Variants in DAPK2 observed in about 807,000 individuals in gnomAD.
DAPK2 encodes the protein death-associated protein kinase 2.
DAPK2 carries 35 observed loss-of-function variants against 44.1 expected under a neutral mutation model. The observed-to-expected ratio is 0.79, with a 90% CI of 0.61 to 1.05. The LOEUF is 1.05. Ranked by LOEUF, DAPK2 falls within the 50% of genes least tolerant of loss-of-function variation. The pLI is 0.00. For synonymous variants in DAPK2, 174 were observed against 182.6 expected (o/e 0.95, Z 0.38); for missense variants, 453 against 483.2 (o/e 0.94, Z 0.59).
chr15:63,935,271 A>C (rs2077110552), intron 4 of DAPK2, among the ~76,000 whole-genome samples: 2 of 151,808 alleles, frequency 1.3e-5, no homozygotes, highest in African/African-American at 4.8e-5. Context: ...TTGTATTTTT[A>C]GTAGAGACAG....
intron 3 of DAPK2, among the ~76,000 whole-genome samples, chr15:63,947,210 ACTT>A (rs1424449933): frequency 2.0e-5 from 3 of 152,054 alleles, no homozygotes; most frequent in Non-Finnish European, 4.4e-5. Flanking sequence ...ACACACTGGA[ACTT>A]CTTCTATGAT....
chr15:63,957,134 T>C (rs2077746256), intron 3 of DAPK2, among the ~76,000 whole-genome samples: 1 of 152,270 alleles, frequency 6.6e-6, no homozygotes, highest in Non-Finnish European at 1.5e-5. Flanking sequence ...ACAACTGTTA[T>C]ATCTTCTTGC....
At chr15:64,038,003 G>A (rs1160338167) in intron 1 of DAPK2, among the ~76,000 whole-genome samples, 1 of 152,194 alleles carries the variant, frequency 6.6e-6, no homozygotes. Flanking sequence ...GTTGCAAGTG[G>A]AGGACCAGGA....
intron 2 of DAPK2, among the ~76,000 whole-genome samples, chr15:63,981,924 A>G (rs2140845553): frequency 6.6e-6 from 1 of 152,374 alleles, no homozygotes; most frequent in South Asian, 2.1e-4. Context: ...ATCAAATGCA[A>G]GAGTATGCAA....
intron 1 of DAPK2, among the ~76,000 whole-genome samples, chr15:64,029,120 C>A: frequency 6.7e-6 from 1 of 149,556 alleles, no homozygotes; most frequent in Non-Finnish European, 1.5e-5. Context: ...TTTCCATTTC[C>A]CCCACATAAG....
intron 1 of DAPK2, among the ~76,000 whole-genome samples, chr15:64,012,770 G>C (rs1567272896): frequency 6.6e-6 from 1 of 152,158 alleles, no homozygotes; most frequent in Non-Finnish European, 1.5e-5. Context: ...TCACTTATGA[G>C]GAATAGGACT....
chr15:64,036,429 A>G (rs747488564), intron 1 of DAPK2, among the ~76,000 whole-genome samples: 12 of 149,810 alleles, frequency 8.0e-5, no homozygotes, highest in Admixed American at 2.7e-4. Flanking sequence ...TAAAATGAAC[A>G]CATCTGTGAA....
exon 7 of DAPK2, chr15:63,926,054 C>T (rs374403157): frequency 2.8e-5 from 45 of 1,613,462 alleles, no homozygotes; most frequent in Non-Finnish European, 3.4e-5. Flanking sequence ...CCAGTGTTTC[C>T]TGCTTCGTGT....
intron 3 of DAPK2, among the ~76,000 whole-genome samples, chr15:63,954,559 C>T (rs2077671817): frequency 6.6e-6 from 1 of 152,042 alleles, no homozygotes; most frequent in African/African-American, 2.4e-5. Flanking sequence ...ATAGCTTTGT[C>T]ATATAATTTG....
intron 3 of DAPK2, among the ~76,000 whole-genome samples, chr15:63,968,221 A>G (rs2078109972): frequency 6.6e-6 from 1 of 152,192 alleles, no homozygotes; most frequent in South Asian, 2.1e-4. Context: ...TCCTGAGGTA[A>G]TCCTTCTGAG....
At chr15:63,907,350 A>G (rs1212956228) in exon 11 of DAPK2, 1 of 152,110 alleles carries the variant, frequency 6.6e-6, no homozygotes, top group African/African-American at 2.4e-5. Context: ...AATTTTAGGG[A>G]GACACACTCA....
chr15:64,016,860 G>A (rs1488842063), intron 1 of DAPK2, among the ~76,000 whole-genome samples: 2 of 138,994 alleles, frequency 1.4e-5, no homozygotes, highest in African/African-American at 5.1e-5. Context: ...AGGAAGGAAG[G>A]AAGGAAGGAA....
chr15:63,995,044 T>C (rs1196245306), intron 1 of DAPK2, among the ~76,000 whole-genome samples: 1 of 152,160 alleles, frequency 6.6e-6, no homozygotes, highest in Non-Finnish European at 1.5e-5. Flanking sequence ...CTGTATAATA[T>C]CATATTATAC....
chr15:63,996,834 A>G (rs2078962065), intron 1 of DAPK2, among the ~76,000 whole-genome samples: 2 of 152,244 alleles, frequency 1.3e-5, no homozygotes, highest in Non-Finnish European at 2.9e-5. Context: ...AGTTCATTGT[A>G]GAGCAAAAAG....
rs1192505506 is a variant in DAPK2, at chr15:63,916,507, A to AC, written c.859-4311dup. On this transcript the variant is annotated intron_variant, in intron 8 of 10. Coordinates refer to ENST00000261891, the Ensembl canonical transcript of DAPK2. This position sits in a 1 kb window ranked among gnomAD's most constrained non-coding sequence, Gnocchi z 4.7. The stretch of plus-strand genomic sequence containing the variant: ...CCCTCAATGGAGTTTTATAGGTGGC[A>AC]CCCCTCCACCCCTCCCCTTCGCTGG... 1 of 152,110 alleles carries AC rather than the reference A, an allele frequency of 6.6e-6. No individual in the cohort carries two copies. The highest frequency in any genetic ancestry group is 1.5e-5 in the Non-Finnish European group (1 of 68,064). The allele number at this position is 152,110 out of a possible 1,614,324, so 9.4% of individuals were successfully genotyped here.
chr15:63,956,358 CTT>C (rs34278801), intron 3 of DAPK2, among the ~76,000 whole-genome samples: 2,373 of 152,072 alleles, frequency 0.016, 61 homozygotes, highest in African/African-American at 0.055. Flanking sequence ...CAAAAGCCCT[CTT>C]AATACTGCTT....
intron 1 of DAPK2, among the ~76,000 whole-genome samples, chr15:64,005,495 G>T (rs2079202027): frequency 6.6e-6 from 1 of 151,834 alleles, no homozygotes; most frequent in Non-Finnish European, 1.5e-5. Flanking sequence ...TGTGGAAAGG[G>T]AATGTCTGAA....
rs996522084 is a variant in DAPK2 at position 63,980,746 on chromosome 15, G to T, written c.314+2787C>A. Among the ~76,000 whole-genome samples, 1 of 152,192 alleles carries T rather than the reference G, an allele frequency of 6.6e-6. No individual in the cohort carries two copies. The highest frequency in any genetic ancestry group is 1.5e-5 in the Non-Finnish European group (1 of 68,028). ...TTGACTATTTGTGCCCTACAAACTCGCATTGAAATTTAATTCCCAATGCGG... is the reference window on the plus strand; with the variant it reads ...TTGACTATTTGTGCCCTACAAACTCTCATTGAAATTTAATTCCCAATGCGG... On this transcript the variant is annotated intron_variant, in intron 2 of 10. Coordinates refer to ENST00000261891, the Ensembl canonical transcript of DAPK2. The surrounding 1 kb of genome is among the most constrained non-coding windows in gnomAD (Gnocchi z 4.3).
intron 8 of DAPK2, chr15:63,920,275 T>G (rs989173508): frequency 6.6e-6 from 1 of 152,152 alleles, no homozygotes; most frequent in African/African-American, 2.4e-5. Flanking sequence ...AAAGCAAACC[T>G]GCATGAGTAC....
Sources: gnomAD v4.1 joint callset for allele counts (sites outside exome capture counted in the v4.1 genomes callset) on GRCh38, gnomAD v4.1.1 for gene constraint, Gnocchi (gnomAD v3.1) non-coding constraint, MANE v1.5 for transcripts, NCBI Gene and HGNC (gene_info 2026-07-23, HGNC 2026-07-21) for gene names.